IGF2BP3: variants seen among roughly 807,000 people sequenced by gnomAD.
The protein encoded by IGF2BP3 is insulin like growth factor 2 mRNA binding protein 3, also known as insulin-like growth factor 2 mRNA-binding protein 3.
IGF2BP3 carries 9 observed loss-of-function variants against 73.8 expected under a neutral mutation model. The ratio of observed to expected loss-of-function variants is 0.12; its 90% CI spans 0.07 to 0.21. The LOEUF is 0.21. Ranked by LOEUF, IGF2BP3 falls within the 10% of genes least tolerant of loss-of-function variation. The probability of loss-of-function intolerance (pLI) is 1.00; values close to 1 mark genes in which losing one functional copy is unlikely to be tolerated. For synonymous variants in IGF2BP3, 258 were observed against 256.7 expected (o/e 1.01, Z -0.05); for missense variants, 542 against 714.0 (o/e 0.76, Z 2.75).
intron 3 of IGF2BP3, among the ~76,000 whole-genome samples, chr7:23,390,449 A>G (rs1215951666): frequency 6.6e-6 from 1 of 152,200 alleles, no homozygotes; most frequent in Non-Finnish European, 1.5e-5. Context: ...TGACCAAGAC[A>G]AGAAAACAGA....
intron 11 of IGF2BP3, among the ~76,000 whole-genome samples, chr7:23,318,199 TA>T (rs1196417566): frequency 6.6e-6 from 1 of 152,088 alleles, no homozygotes; most frequent in Non-Finnish European, 1.5e-5. Context: ...CTCTGTACCC[TA>T]AGTTTCAAGG....
chr7:23,356,233 A>G (rs945122810), intron 5 of IGF2BP3, among the ~76,000 whole-genome samples: 1 of 152,164 alleles, frequency 6.6e-6, no homozygotes, highest in Non-Finnish European at 1.5e-5. Context: ...TAAAACTAAA[A>G]GATTAGATTC....
At chr7:23,417,887 C>T (rs944277201) in intron 3 of IGF2BP3, among the ~76,000 whole-genome samples, 1 of 152,110 alleles carries the variant, frequency 6.6e-6, no homozygotes, top group Non-Finnish European at 1.5e-5. Context: ...AAAACCAACC[C>T]CTTCCTGCAA....
intron 3 of IGF2BP3, chr7:23,414,099 G>A (rs1375253144): frequency 1.3e-5 from 2 of 151,822 alleles, no homozygotes; most frequent in Admixed American, 6.6e-5. Context: ...GCAGTGAGCC[G>A]AGATTGTGCC....
intron 3 of IGF2BP3, among the ~76,000 whole-genome samples, chr7:23,408,277 A>T (rs1786909867): frequency 1.3e-5 from 2 of 152,358 alleles, no homozygotes; most frequent in South Asian, 4.1e-4. Context: ...TAAAGGAATA[A>T]AACTATGCCC....
chr7:23,444,737 T>C (rs1444360344), intron 2 of IGF2BP3, among the ~76,000 whole-genome samples: 1 of 121,748 alleles, frequency 8.2e-6, no homozygotes, highest in Non-Finnish European at 1.7e-5. Context: ...AGCAAGACTC[T>C]GTCTCAAAAA....
chr7:23,377,936 G>A (rs562356317), intron 3 of IGF2BP3, among the ~76,000 whole-genome samples: 1 of 152,284 alleles, frequency 6.6e-6, no homozygotes, highest in East Asian at 1.9e-4. Flanking sequence ...GGTTTCTAGG[G>A]CCTGGGAGGA....
intron 2 of IGF2BP3, among the ~76,000 whole-genome samples, chr7:23,436,194 G>A (rs1787805267): frequency 6.6e-6 from 1 of 152,124 alleles, no homozygotes; most frequent in Non-Finnish European, 1.5e-5. Context: ...CAAATACAAT[G>A]GAAAAAACTA....
chr7:23,426,339 A>AG (rs1787510111), intron 2 of IGF2BP3, among the ~76,000 whole-genome samples: 1 of 128,398 alleles, frequency 7.8e-6, no homozygotes. Flanking sequence ...AAAAAAAAAA[A>AG]AGGGGGGTGG....
chr7:23,421,150 C>CAG (rs1426315878), intron 2 of IGF2BP3, among the ~76,000 whole-genome samples: 2 of 152,056 alleles, frequency 1.3e-5, no homozygotes, highest in African/African-American at 2.4e-5. Context: ...GCTGGGATTG[C>CAG]AGGCATGCGC....
At chr7:23,410,065 A>T (rs1463799445) in intron 3 of IGF2BP3, among the ~76,000 whole-genome samples, 1 of 152,162 alleles carries the variant, frequency 6.6e-6, no homozygotes, top group Non-Finnish European at 1.5e-5. Context: ...GCTACTCAGG[A>T]GGCTGAGACA....
At chr7:23,313,900 T>G (rs79124778) in intron 12 of IGF2BP3, among the ~76,000 whole-genome samples, 1 of 152,240 alleles carries the variant, frequency 6.6e-6, no homozygotes, top group Non-Finnish European at 1.5e-5. Flanking sequence ...ATTCTTCTGA[T>G]GAAAACAGTT....
intron 3 of IGF2BP3, among the ~76,000 whole-genome samples, chr7:23,411,068 C>A (rs1186395679): frequency 1.3e-5 from 2 of 152,206 alleles, no homozygotes; most frequent in Admixed American, 1.3e-4. Context: ...AAGGCACCTA[C>A]CGAGAACATG....
chr7:23,333,471 G>A (rs538738741), intron 10 of IGF2BP3, among the ~76,000 whole-genome samples: 2 of 152,332 alleles, frequency 1.3e-5, no homozygotes, highest in East Asian at 3.9e-4. Context: ...TTCTGACATA[G>A]TGATGAAGGG....
Position 23,357,335 on chromosome 7 carries a change from G to A in IGF2BP3, c.401+4199C>T, listed in dbSNP as rs375448959. 2.5e-4 allele frequency among the ~76,000 whole-genome samples: 38 copies of A among 150,992 alleles called. No homozygotes were observed. In the East Asian group the frequency reaches 6.4e-3, roughly 26 times the overall value. ...GTTGCCCAGGCTGGAGTGCAATGGCGCAATCTTGGCTCACTGCAACCTCCA... is the reference window on the plus strand; with the variant it reads ...GTTGCCCAGGCTGGAGTGCAATGGCACAATCTTGGCTCACTGCAACCTCCA... On this transcript the variant is annotated intron_variant, in intron 5 of 14. Coordinates refer to ENST00000258729, the MANE Select transcript of IGF2BP3 (RefSeq NM_006547.3).
chr7:23,439,618 G>C (rs1316352692), intron 2 of IGF2BP3, among the ~76,000 whole-genome samples: 5 of 149,808 alleles, frequency 3.3e-5, no homozygotes, highest in Admixed American at 1.3e-4. Flanking sequence ...TGTAGGTTGT[G>C]ATATCATGCT....
chr7:23,352,904 G>C (rs551902355), intron 5 of IGF2BP3, among the ~76,000 whole-genome samples: 2 of 152,008 alleles, frequency 1.3e-5, no homozygotes, highest in African/African-American at 4.8e-5. Context: ...GTTGTGTTCT[G>C]TTTTCTGGGG....
intron 2 of IGF2BP3, among the ~76,000 whole-genome samples, chr7:23,442,626 G>A (rs1403654938): frequency 6.6e-6 from 1 of 152,080 alleles, no homozygotes; most frequent in Admixed American, 6.6e-5. Flanking sequence ...TCGAACTCCT[G>A]ACCTCAGGTG....
At chr7:23,313,900 T>C (rs79124778) in intron 12 of IGF2BP3, among the ~76,000 whole-genome samples, 4,346 of 152,352 alleles carry the variant, frequency 0.029, 191 homozygotes, top group African/African-American at 0.094. Flanking sequence ...ATTCTTCTGA[T>C]GAAAACAGTT....
Sources: gnomAD v4.1 joint callset for allele counts (sites outside exome capture counted in the v4.1 genomes callset) on GRCh38, gnomAD v4.1.1 for gene constraint, MANE v1.5 for transcripts, NCBI Gene and HGNC (gene_info 2026-07-23, HGNC 2026-07-21) for gene names.